Variants in CDS2 observed in about 807,000 individuals in gnomAD.
CDS2 encodes the protein phosphatidate cytidylyltransferase 2.
Under a neutral mutation model 59.0 loss-of-function variants are expected in CDS2, and 47 were observed. The observed-to-expected ratio is 0.80, with a 90% CI of 0.63 to 1.02. The LOEUF (loss-of-function observed/expected upper bound fraction) is 1.02. Among genes scored for constraint, CDS2 ranks in the 50% least tolerant of loss-of-function variants. The pLI is 0.00. For missense variants in CDS2, 356 were observed against 558.9 expected (o/e 0.64, Z 3.66); for synonymous variants, 207 against 206.4 (o/e 1.00, Z -0.02).
At chr20:5,142,436 G>A (rs903882472) in intron 1 of CDS2, among the ~76,000 whole-genome samples, 1 of 151,056 alleles carries the variant, frequency 6.6e-6, no homozygotes, top group Non-Finnish European at 1.5e-5. Context: ...AACAGAGCAA[G>A]ACTCCATCTA....
intron 1 of CDS2, among the ~76,000 whole-genome samples, chr20:5,127,494 A>G (rs2090564522): frequency 6.6e-6 from 1 of 152,208 alleles, no homozygotes; most frequent in African/African-American, 2.4e-5. Context: ...GAAGATATGC[A>G]GAGCCTTCTT....
chr20:5,131,051 C>G (rs2090603318), intron 1 of CDS2, among the ~76,000 whole-genome samples: 1 of 150,172 alleles, frequency 6.7e-6, no homozygotes, highest in African/African-American at 2.5e-5. Context: ...CGAGATGGCG[C>G]CACTGCACGC....
At position 5,194,390 on chromosome 20, in the gene CDS2, C is replaced by T. The variant is rs962262620; in HGVS notation, c.*4156C>T. On this transcript the variant is annotated 3_prime_UTR_variant, in exon 13 of 13. Coordinates refer to ENST00000460006, the MANE Select transcript of CDS2 (RefSeq NM_003818.4). ...GCCCACCTTCTCTTGGGCCTGGACT[C>T]TCCTTATCCACATCCCTGCAGAAGG... 2.6e-5 allele frequency: 4 copies of T among 152,238 alleles called. No homozygotes were observed. The highest frequency in any genetic ancestry group is 5.9e-5 in the Non-Finnish European group (4 of 68,068). 9.4% of individuals were successfully genotyped at this position (152,238 alleles called of 1,614,324 possible). A position where few individuals can be genotyped will look rare whatever the true frequency, so the allele number is the denominator to read the frequency against.
chr20:5,133,454 CAG>C (rs1196781905), intron 1 of CDS2, among the ~76,000 whole-genome samples: 1 of 152,106 alleles, frequency 6.6e-6, no homozygotes, highest in East Asian at 1.9e-4. Context: ...TGCCACAGCT[CAG>C]AGAGTTTAAG....
rs1188759434 is a variant in CDS2 at position 5,194,903 on chromosome 20, G to A, written c.*4669G>A. 6.6e-6 allele frequency: 1 copy of A among 152,138 alleles called. No individual in the cohort carries two copies. 9.4% of individuals were successfully genotyped at this position (152,138 alleles called of 1,614,324 possible). On this transcript the variant is annotated 3_prime_UTR_variant, in exon 13 of 13. Coordinates refer to ENST00000460006, the MANE Select transcript of CDS2 (RefSeq NM_003818.4). ...ATATGTGCCAGGCATAGTGCTAAGGGTTTACATACGTTATCCCTTTTAATC... is the reference window on the plus strand; with the variant it reads ...ATATGTGCCAGGCATAGTGCTAAGGATTTACATACGTTATCCCTTTTAATC...
At position 5,173,592 on chromosome 20, in the gene CDS2, C is replaced by A; in HGVS notation, c.127C>A (p.Pro43Thr). ...CAGTGAGAGCCGGGCAGAATCCGCA[C>A]CCCTGCCAGTCTCTGCAGATGATAC... is the stretch of plus-strand genomic sequence containing the variant. ...SDSESRAESA[P>T]LPVSADDTPE... is the part of the protein sequence containing the mutation. Residue 43 changes from proline to threonine, a missense_variant, in exon 2 of 13, where the codon CCC becomes ACC. Transcript: ENST00000460006. The A allele has an allele frequency of 1.2e-6, 2 of 1,614,146 alleles. No homozygotes were observed. Among genetic ancestry groups the A allele is most frequent in the South Asian group, 2.2e-5 (2 of 91,082 alleles).
chr20:5,173,427 A>G (rs2090970786), intron 1 of CDS2, 96 bp from the exon 2 acceptor site: 10 of 1,397,984 alleles, frequency 7.2e-6, no homozygotes, highest in Non-Finnish European at 1.0e-5. Flanking sequence ...CCCTGTTTGG[A>G]GTCTTTCCCC....
At chr20:5,128,397 A>G (rs1252846013) in intron 1 of CDS2, 1 of 152,234 alleles carries the variant, frequency 6.6e-6, no homozygotes, top group African/African-American at 2.4e-5. Flanking sequence ...GTGAAAGATA[A>G]TGAGATCATG....
chr20:5,190,383 C>CA lies in CDS2; in HGVS notation c.*155dup, dbSNP rs2091105079. 1.4e-6 allele frequency: 1 copy of CA among 718,860 alleles called. No homozygotes were observed. The allele number at this position is 718,860 out of a possible 1,614,324, so 44.5% of individuals were successfully genotyped here. A position where few individuals can be genotyped will look rare whatever the true frequency, so the allele number is the denominator to read the frequency against. The stretch of plus-strand genomic sequence containing the variant: ...GGAGGGTATTTTTTATTTGTGGGTT[C>CA]AAAAAATCTGTATATACAGTCTATG... On this transcript the variant is annotated 3_prime_UTR_variant, in exon 13 of 13. Transcript: ENST00000460006.
At position 5,176,862 on chromosome 20, in the gene CDS2, C is replaced by A. The variant is rs542698567; in HGVS notation, c.389+117C>A. ...GCTATAGAGATAAATGCTGGAGAGG[C>A]AGTTATCATGTTAGGTCATACAAAG... On this transcript the variant is annotated intron_variant, in intron 4 of 12. Coordinates refer to ENST00000460006, the MANE Select transcript of CDS2 (RefSeq NM_003818.4). 1.5e-4 allele frequency: 109 copies of A among 748,930 alleles called. No individual in the cohort carries two copies. The African/African-American group carries it at 1.6e-3, about 11-fold the overall frequency. 46.4% of individuals were successfully genotyped at this position (748,930 alleles called of 1,614,324 possible). A position where few individuals can be genotyped will look rare whatever the true frequency, so the allele number is the denominator to read the frequency against.
intron 11 of CDS2, among the ~76,000 whole-genome samples, chr20:5,189,469 C>T (rs926213340): frequency 4.6e-5 from 7 of 152,096 alleles, no homozygotes; most frequent in East Asian, 3.8e-4. Flanking sequence ...GAGGCCAAGG[C>T]GGGAGGATCA....
intron 1 of CDS2, among the ~76,000 whole-genome samples, chr20:5,137,921 C>T (rs1370802894): frequency 6.6e-6 from 1 of 151,676 alleles, no homozygotes; most frequent in Non-Finnish European, 1.5e-5. Context: ...GCCTCAGCCT[C>T]CCGAGTAGCT....
Position 5,192,776 on chromosome 20 carries a change from C to G in CDS2, c.*2542C>G, listed in dbSNP as rs771086696. 5 of 152,154 alleles carry G rather than the reference C, an allele frequency of 3.3e-5. No individual in the cohort carries two copies. Among genetic ancestry groups the G allele is most frequent in the Non-Finnish European group, 5.9e-5 (4 of 68,034 alleles). 9.4% of individuals were successfully genotyped at this position (152,154 alleles called of 1,614,324 possible). ...CATAGTCCTGATTCAGAGACTTTTGCTTTGCTTTCCAACTTGTATCCCTAC... is the reference window on the plus strand; with the variant it reads ...CATAGTCCTGATTCAGAGACTTTTGGTTTGCTTTCCAACTTGTATCCCTAC... On this transcript the variant is annotated 3_prime_UTR_variant, in exon 13 of 13. Coordinates refer to ENST00000460006, the MANE Select transcript of CDS2 (RefSeq NM_003818.4).
intron 1 of CDS2, among the ~76,000 whole-genome samples, chr20:5,143,228 C>T (rs368028477): frequency 3.3e-5 from 5 of 152,068 alleles, no homozygotes; most frequent in East Asian, 3.9e-4. Context: ...TTAAAACCCT[C>T]GATAAGATAC....
chr20:5,157,457 T>A (rs891356662), intron 1 of CDS2, among the ~76,000 whole-genome samples: 1 of 152,064 alleles, frequency 6.6e-6, no homozygotes, highest in African/African-American at 2.4e-5. Flanking sequence ...TTGATTGGCA[T>A]AGGAGAGCAC....
chr20:5,141,556 C>A (rs769267436), intron 1 of CDS2, among the ~76,000 whole-genome samples: 2 of 152,166 alleles, frequency 1.3e-5, no homozygotes, highest in African/African-American at 2.4e-5. Flanking sequence ...TATATCTCTT[C>A]ATCTGGCTGT....
At chr20:5,166,134 G>C (rs2090912048) in intron 1 of CDS2, among the ~76,000 whole-genome samples, 1 of 152,140 alleles carries the variant, frequency 6.6e-6, no homozygotes, top group Admixed American at 6.5e-5. Flanking sequence ...AGGTGAGGTA[G>C]CCAGTTAGGC....
At chr20:5,149,114 G>A (rs1343189832) in intron 1 of CDS2, among the ~76,000 whole-genome samples, 1 of 151,968 alleles carries the variant, frequency 6.6e-6, no homozygotes, top group Admixed American at 6.6e-5. Flanking sequence ...GGGCTCAAGC[G>A]ATCCTATGAA....
chr20:5,136,891 A>T (rs2090653877), intron 1 of CDS2, among the ~76,000 whole-genome samples: 1 of 152,106 alleles, frequency 6.6e-6, no homozygotes, highest in Admixed American at 6.6e-5. Context: ...TTTGTCACCT[A>T]GGTAGTGAGC....
Sources: gnomAD v4.1 joint callset for allele counts (sites outside exome capture counted in the v4.1 genomes callset) on GRCh38, gnomAD v4.1.1 for gene constraint, MANE v1.5 for transcripts, NCBI Gene and HGNC (gene_info 2026-07-23, HGNC 2026-07-21) for gene names.